Variants in SNTG1 observed in about 807,000 individuals in gnomAD.
SNTG1 encodes syntrophin gamma 1.
A neutral mutation model predicts 74.7 loss-of-function variants in SNTG1; 39 were observed. The ratio of observed to expected loss-of-function variants is 0.52; its 90% CI spans 0.40 to 0.68. The LOEUF is 0.68. Ranked by LOEUF, SNTG1 falls within the 30% of genes least tolerant of loss-of-function variation. The pLI is 0.00. For synonymous variants in SNTG1, 254 were observed against 217.1 expected, an observed-to-expected ratio of 1.17 and a Z score of -1.49; for missense variants, 685 against 609.5, an observed-to-expected ratio of 1.12 and a Z score of -1.30.
At chr8:50,200,497 C>A (rs2083943478) in intron 2 of SNTG1, among the ~76,000 whole-genome samples, 1 of 152,146 alleles carries the variant, frequency 6.6e-6, no homozygotes, top group Non-Finnish European at 1.5e-5. Context: ...AAGCAGAAAT[C>A]TTCTCTGTGT....
At chr8:50,649,137 T>C (rs1397781954) in intron 13 of SNTG1, among the ~76,000 whole-genome samples, 1 of 152,166 alleles carries the variant, frequency 6.6e-6, no homozygotes, top group Non-Finnish European at 1.5e-5. Flanking sequence ...CACAGTTTAT[T>C]GATATTTTCC....
At chr8:50,086,694 C>G (rs1194082733) in intron 1 of SNTG1, among the ~76,000 whole-genome samples, 2 of 152,020 alleles carry the variant, frequency 1.3e-5, no homozygotes, top group Non-Finnish European at 2.9e-5. Flanking sequence ...ACTGAATGTT[C>G]ATAACTAGAG....
chr8:50,441,510 T>A (rs1300524059), intron 5 of SNTG1, among the ~76,000 whole-genome samples: 1 of 152,160 alleles, frequency 6.6e-6, no homozygotes, highest in African/African-American at 2.4e-5. Flanking sequence ...GGTTCCTATG[T>A]CAAAAATTCC....
At chr8:50,324,197 T>C (rs2090643496) in intron 2 of SNTG1, among the ~76,000 whole-genome samples, 1 of 152,206 alleles carries the variant, frequency 6.6e-6, no homozygotes, top group Non-Finnish European at 1.5e-5. Context: ...TCCCTCCTTG[T>C]GCCGGCCCTG....
intron 1 of SNTG1, among the ~76,000 whole-genome samples, chr8:49,990,197 C>T (rs941686193): frequency 2.0e-5 from 3 of 151,862 alleles, no homozygotes; most frequent in African/African-American, 4.8e-5. Context: ...AATTCACCAA[C>T]ATTTATTAAA....
At chr8:50,603,332 A>G (rs112471825) in intron 13 of SNTG1, among the ~76,000 whole-genome samples, 1,922 of 152,206 alleles carry the variant, frequency 0.013, 44 homozygotes, top group African/African-American at 0.042. Flanking sequence ...TGCATTTTTC[A>G]ACTCTAGAAT....
intron 13 of SNTG1, among the ~76,000 whole-genome samples, chr8:50,617,724 G>C (rs1311887267): frequency 6.6e-6 from 1 of 152,208 alleles, no homozygotes; most frequent in Non-Finnish European, 1.5e-5. Flanking sequence ...GATTGAGCAA[G>C]AAGTGGGTAC....
At chr8:49,916,818 C>A (rs1036048514) in intron 1 of SNTG1, among the ~76,000 whole-genome samples, 1 of 151,172 alleles carries the variant, frequency 6.6e-6, no homozygotes, top group Non-Finnish European at 1.5e-5. Context: ...CCAGCCTGGG[C>A]ACCACAGTGA....
chr8:50,429,292 A>G (rs1248459576), intron 4 of SNTG1, among the ~76,000 whole-genome samples: 1 of 152,150 alleles, frequency 6.6e-6, no homozygotes, highest in African/African-American at 2.4e-5. Flanking sequence ...AACGATAGAC[A>G]TAATAGATCA....
At chr8:50,149,319 A>T (rs2081982646) in intron 1 of SNTG1, among the ~76,000 whole-genome samples, 3 of 152,088 alleles carry the variant, frequency 2.0e-5, no homozygotes, top group Non-Finnish European at 4.4e-5. Context: ...AGATTGCAAA[A>T]ATTTTCTCCC....
chr8:50,549,798 C>A (rs1457975965), intron 11 of SNTG1, among the ~76,000 whole-genome samples: 1 of 152,198 alleles, frequency 6.6e-6, no homozygotes, highest in African/African-American at 2.4e-5. Context: ...TTTTGCTTTC[C>A]CTTACCTGCC....
intron 13 of SNTG1, among the ~76,000 whole-genome samples, chr8:50,653,434 A>AT (rs2095160838): frequency 6.6e-6 from 1 of 152,148 alleles, no homozygotes; most frequent in African/African-American, 2.4e-5. Flanking sequence ...TGTCTAAAAA[A>AT]ATATATTAGT....
At chr8:50,080,546 C>G (rs930879025) in intron 1 of SNTG1, among the ~76,000 whole-genome samples, 2 of 152,048 alleles carry the variant, frequency 1.3e-5, no homozygotes, top group African/African-American at 4.8e-5. Flanking sequence ...TTACTGGCTC[C>G]TTTTGTACCA....
intron 1 of SNTG1, among the ~76,000 whole-genome samples, chr8:49,990,069 A>G (rs1427065944): frequency 6.6e-6 from 1 of 151,980 alleles, no homozygotes; most frequent in Non-Finnish European, 1.5e-5. Flanking sequence ...TGCCACTTCT[A>G]TGCAACATTA....
At chr8:50,671,815 C>T (rs1266989152) in intron 15 of SNTG1, among the ~76,000 whole-genome samples, 1 of 151,806 alleles carries the variant, frequency 6.6e-6, no homozygotes, top group African/African-American at 2.4e-5. Context: ...CAATCATAGA[C>T]TGGATTAAGA....
intron 18 of SNTG1, among the ~76,000 whole-genome samples, chr8:50,764,764 A>G (rs1335250926): frequency 2.0e-5 from 3 of 151,618 alleles, no homozygotes; most frequent in African/African-American, 7.3e-5. Context: ...AGAGCCAGCA[A>G]TCCCATTTCT....
intron 2 of SNTG1, among the ~76,000 whole-genome samples, chr8:50,264,949 A>T (rs1466368669): frequency 2.6e-5 from 4 of 152,104 alleles, no homozygotes; most frequent in Admixed American, 6.5e-5. Context: ...ACAAAACTAG[A>T]ATAGACCTAT....
chr8:50,518,953 A>G (rs997765886), intron 9 of SNTG1, among the ~76,000 whole-genome samples: 31 of 152,202 alleles, frequency 2.0e-4, no homozygotes, highest in African/African-American at 7.0e-4. Flanking sequence ...AACTCATTTT[A>G]TGAGGCCATT....
At chr8:50,473,292 C>T (rs572099496) in intron 8 of SNTG1, among the ~76,000 whole-genome samples, 1 of 152,186 alleles carries the variant, frequency 6.6e-6, no homozygotes, top group Non-Finnish European at 1.5e-5. Flanking sequence ...GCTTCCCCTT[C>T]ACCTTCTGCT....
Sources: allele counts gnomAD v4.1 joint callset (sites outside exome capture counted in the v4.1 genomes callset), GRCh38; gene constraint gnomAD v4.1.1; transcripts MANE v1.5; gene names NCBI Gene and HGNC (gene_info 2026-07-23, HGNC 2026-07-21).